The following GALNT13 variants were observed in gnomAD, a reference collection of about 807,000 sequenced individuals.
GALNT13 encodes the protein UDP-GalNAc:polypeptide N-acetylgalactosaminyltransferase 13.
Under a neutral mutation model 64.2 loss-of-function variants are expected in GALNT13, and 28 were observed. That is an observed-to-expected ratio of 0.44 (90% confidence interval 0.32 to 0.60). The LOEUF is 0.60. Among genes scored for constraint, GALNT13 ranks in the 20% least tolerant of loss-of-function variants. The pLI is 0.05. For synonymous variants in GALNT13, 214 were observed against 224.6 expected (o/e 0.95, Z 0.42); for missense variants, 577 against 669.8 (o/e 0.86, Z 1.53).
chr2:154,327,219 C>T (rs928793906), intron 9 of GALNT13, among the ~76,000 whole-genome samples: 2 of 152,026 alleles, frequency 1.3e-5, no homozygotes, highest in Admixed American at 6.6e-5. Context: ...CTTCCTGTCG[C>T]CTTGTGAAGG....
intron 12 of GALNT13, among the ~76,000 whole-genome samples, chr2:154,447,008 T>C (rs2105498217): frequency 6.6e-6 from 1 of 151,866 alleles, no homozygotes; most frequent in African/African-American, 2.4e-5. Flanking sequence ...TTTAAACATA[T>C]ATATGCATAA....
intron 7 of GALNT13, among the ~76,000 whole-genome samples, chr2:154,246,570 A>G (rs1396020363): frequency 6.6e-6 from 1 of 152,120 alleles, no homozygotes; most frequent in Non-Finnish European, 1.5e-5. Context: ...AATTGTCTGT[A>G]TAAGCATTAC....
rs890177862 is a variant in GALNT13, at chr2:154,452,962, C to T, written c.*2411C>T. 1.3e-5 allele frequency: 2 copies of T among 152,150 alleles called. No homozygotes were observed. Among genetic ancestry groups the T allele is most frequent in the East Asian group, 3.9e-4 (2 of 5,188 alleles). The allele number at this position is 152,150 out of a possible 1,614,324, so 9.4% of individuals were successfully genotyped here. ...TCCATCTCAGTTAATGCAACTTCAA[C>T]CTTCCAGATGCTCAGGTCAAAAACT... On this transcript the variant is annotated 3_prime_UTR_variant, in exon 13 of 13. Coordinates refer to ENST00000392825, the MANE Select transcript of GALNT13 (RefSeq NM_052917.4).
the GALNT13 span, among the ~76,000 whole-genome samples, chr2:153,852,524 G>C: frequency 6.6e-6 from 1 of 152,062 alleles, no homozygotes; most frequent in Non-Finnish European, 1.5e-5. Context: ...AAAATGTATA[G>C]AACTAAATGA....
the GALNT13 span, among the ~76,000 whole-genome samples, chr2:153,631,429 A>C: frequency 6.6e-6 from 1 of 152,208 alleles, no homozygotes; most frequent in East Asian, 1.9e-4. Flanking sequence ...TCCTATCAAC[A>C]GTGTAAAGGT....
At chr2:153,149,800 T>G in the GALNT13 span, among the ~76,000 whole-genome samples, 1 of 151,924 alleles carries the variant, frequency 6.6e-6, no homozygotes, top group Admixed American at 6.6e-5. Flanking sequence ...TCTCATGTTT[T>G]GTTTTCATAC....
At chr2:153,436,023 A>C in the GALNT13 span, among the ~76,000 whole-genome samples, 1 of 152,050 alleles carries the variant, frequency 6.6e-6, no homozygotes, top group Non-Finnish European at 1.5e-5. Context: ...ATTTGTTGAG[A>C]GTTTTTAGCA....
intron 3 of GALNT13, among the ~76,000 whole-genome samples, chr2:154,139,920 A>C (rs1223629660): frequency 6.6e-6 from 1 of 152,180 alleles, no homozygotes. Flanking sequence ...ATGTAATGGC[A>C]GTAGATATGT....
At chr2:154,408,950 G>T in intron 10 of GALNT13, 34 bp from the exon 11 acceptor site, 1 of 1,325,558 alleles carries the variant, frequency 7.5e-7, no homozygotes, top group Non-Finnish European at 1.1e-6. Context: ...TCTGATTTAT[G>T]TTTTATCCCC....
intron 9 of GALNT13, among the ~76,000 whole-genome samples, chr2:154,311,240 C>T (rs183375281): frequency 2.0e-5 from 3 of 152,086 alleles, no homozygotes; most frequent in Admixed American, 2.0e-4. Context: ...TAGATAATTG[C>T]ACAGATATAT....
chr2:153,139,112 TAGC>T, the GALNT13 span, among the ~76,000 whole-genome samples: 1 of 152,102 alleles, frequency 6.6e-6, no homozygotes, highest in Non-Finnish European at 1.5e-5. Context: ...TATGTTTTGA[TAGC>T]AGTCAACATG....
At chr2:153,670,311 A>G in the GALNT13 span, among the ~76,000 whole-genome samples, 4 of 152,094 alleles carry the variant, frequency 2.6e-5, no homozygotes, top group East Asian at 7.7e-4. Context: ...GACATTTCAT[A>G]CAGGTGGTTG....
chr2:153,294,598 G>A, the GALNT13 span, among the ~76,000 whole-genome samples: 3 of 152,124 alleles, frequency 2.0e-5, no homozygotes, highest in African/African-American at 7.2e-5. Context: ...CTTGCGTCTT[G>A]AATAAATAAC....
chr2:154,189,751 T>A (rs1260630225), intron 4 of GALNT13, among the ~76,000 whole-genome samples: 5 of 152,054 alleles, frequency 3.3e-5, no homozygotes, highest in African/African-American at 1.2e-4. Flanking sequence ...AATATGTCAC[T>A]AACCACATTT....
At chr2:153,438,298 T>C in the GALNT13 span, among the ~76,000 whole-genome samples, 3 of 152,190 alleles carry the variant, frequency 2.0e-5, no homozygotes, top group Middle Eastern at 3.2e-3. Context: ...CTGATAATTA[T>C]GTGTCTTGGA....
intron 4 of GALNT13, among the ~76,000 whole-genome samples, chr2:154,160,332 T>C (rs1684660034): frequency 6.6e-6 from 1 of 152,198 alleles, no homozygotes; most frequent in Admixed American, 6.5e-5. Context: ...TCTCAGTTCC[T>C]GCTTCAGACA....
chr2:154,007,989 C>T (rs578084199), intron 3 of GALNT13, among the ~76,000 whole-genome samples: 3 of 152,154 alleles, frequency 2.0e-5, no homozygotes, highest in South Asian at 2.1e-4. Flanking sequence ...GTCAGTGCCC[C>T]CCAACTATTC....
At chr2:153,434,025 T>A in the GALNT13 span, among the ~76,000 whole-genome samples, 6 of 152,152 alleles carry the variant, frequency 3.9e-5, no homozygotes, top group African/African-American at 1.4e-4. Flanking sequence ...TTCCCCTTGT[T>A]GTGTTCATGT....
At chr2:154,295,698 G>C (rs1280671359) in intron 8 of GALNT13, among the ~76,000 whole-genome samples, 1 of 152,048 alleles carries the variant, frequency 6.6e-6, no homozygotes, top group Admixed American at 6.6e-5. Flanking sequence ...AATGTCCACT[G>C]TAAAGCCTTG....
Sources: gnomAD v4.1 joint callset for allele counts (sites outside exome capture counted in the v4.1 genomes callset) on GRCh38, gnomAD v4.1.1 for gene constraint, MANE v1.5 for transcripts, NCBI Gene and HGNC (gene_info 2026-07-23, HGNC 2026-07-21) for gene names.